The following DLGAP1 variants were observed in gnomAD, a reference collection of about 807,000 sequenced individuals.
The protein encoded by DLGAP1 is DLG associated protein 1, also known as disks large-associated protein 1.
A neutral mutation model predicts 90.8 loss-of-function variants in DLGAP1; 11 were observed. That is an observed-to-expected ratio of 0.12 (90% CI 0.08 to 0.20). DLGAP1 has a LOEUF of 0.20. Among genes scored for constraint, DLGAP1 ranks in the 10% least tolerant of loss-of-function variants. The pLI is 1.00. For synonymous variants in DLGAP1, 558 were observed against 540.7 expected (o/e 1.03, Z -0.44); for missense variants, 1,050 against 1,333.8 (o/e 0.79, Z 3.31).
intron 7 of DLGAP1, among the ~76,000 whole-genome samples, chr18:3,671,743 A>G (rs920942244): frequency 2.0e-5 from 3 of 152,280 alleles, no homozygotes; most frequent in African/African-American, 4.8e-5. Context: ...CTAAGCAAAT[A>G]TAGTCTTGAT....
At chr18:4,034,761 G>A (rs1832767514) in intron 2 of DLGAP1, among the ~76,000 whole-genome samples, 1 of 152,234 alleles carries the variant, frequency 6.6e-6, no homozygotes, top group Non-Finnish European at 1.5e-5. Context: ...TGTAGCCTTT[G>A]TGCCTAGCAC....
intron 1 of DLGAP1, among the ~76,000 whole-genome samples, chr18:4,188,516 CTA>C (rs1219209617): frequency 3.3e-5 from 5 of 152,192 alleles, no homozygotes; most frequent in Admixed American, 1.3e-4. Flanking sequence ...CTCTCTGTGT[CTA>C]TGTGTTCTCA....
intron 7 of DLGAP1, among the ~76,000 whole-genome samples, chr18:3,620,533 C>T (rs1482292572): frequency 6.9e-6 from 1 of 143,940 alleles, no homozygotes; most frequent in African/African-American, 2.6e-5. Context: ...TCGAGAACAA[C>T]TGCTATCACA....
At chr18:3,567,034 ATCT>A (rs2054466977) in intron 9 of DLGAP1, among the ~76,000 whole-genome samples, 1 of 150,212 alleles carries the variant, frequency 6.7e-6, no homozygotes, top group African/African-American at 2.5e-5. Context: ...GACAGGGAAT[ATCT>A]TCTTTTTCAT....
chr18:3,596,852 A>G, intron 7 of DLGAP1: 1 of 520,100 alleles, frequency 1.9e-6, no homozygotes, highest in South Asian at 1.4e-5. Context: ...ATGTCCTGTC[A>G]CCAGAGCCCC....
intron 4 of DLGAP1, among the ~76,000 whole-genome samples, chr18:3,849,425 G>A (rs1191215821): frequency 1.3e-5 from 2 of 152,084 alleles, no homozygotes; most frequent in African/African-American, 2.4e-5. Context: ...TGCATGGAGG[G>A]AGGCAGGAAA....
At chr18:3,860,047 C>T (rs567129141) in intron 4 of DLGAP1, among the ~76,000 whole-genome samples, 3 of 148,720 alleles carry the variant, frequency 2.0e-5, no homozygotes, top group East Asian at 1.9e-4. Flanking sequence ...TGCAGTGAGC[C>T]GAGATTGCGC....
chr18:3,550,930 C>T (rs2053367924), intron 9 of DLGAP1, among the ~76,000 whole-genome samples: 1 of 151,528 alleles, frequency 6.6e-6, no homozygotes, highest in Non-Finnish European at 1.5e-5. Flanking sequence ...TTAGTAGAGA[C>T]AGGGTTTCAC....
rs1001741950 is a variant in DLGAP1 at position 3,660,747 on chromosome 18, A to G, written c.1591+68388T>C. On this transcript the variant is annotated intron_variant, in intron 7 of 12. Transcript: ENST00000315677. The surrounding 1 kb of genome is among the most constrained non-coding windows in gnomAD (Gnocchi z 4.2). ...AATATTTAGGTGTTTTAGGGTTCCAATATTGGCAAGGTATCTGACAAGTAA... is the reference window on the plus strand; with the variant it reads ...AATATTTAGGTGTTTTAGGGTTCCAGTATTGGCAAGGTATCTGACAAGTAA... 3.9e-5 allele frequency among the ~76,000 whole-genome samples: 6 copies of G among 152,252 alleles called. No individual in the cohort carries two copies. Among genetic ancestry groups the G allele is most frequent in the Admixed American group, 1.3e-4 (2 of 15,288 alleles).
intron 7 of DLGAP1, chr18:3,722,163 C>T (rs1469882089): frequency 1.3e-5 from 2 of 152,188 alleles, no homozygotes; most frequent in Non-Finnish European, 2.9e-5. Context: ...CATGCAATAA[C>T]CCCGAATGTG....
chr18:4,206,273 C>G (rs2077718079), intron 1 of DLGAP1, among the ~76,000 whole-genome samples: 1 of 152,106 alleles, frequency 6.6e-6, no homozygotes, highest in Admixed American at 6.6e-5. Context: ...CCCAAACAAG[C>G]ATTGTGAGTT....
intron 5 of DLGAP1, among the ~76,000 whole-genome samples, chr18:3,742,949 TCTTCCTTCCTTCCTTCCTTC>T (rs143048862): frequency 1.6e-4 from 23 of 142,760 alleles, no homozygotes; most frequent in South Asian, 4.6e-4. Flanking sequence ...TATCAATTTA[TCTTCCTTCCTTCCTTCCTTC>T]CTTCCTTCCT....
intron 3 of DLGAP1, among the ~76,000 whole-genome samples, chr18:3,904,631 C>T (rs2071856177): frequency 6.6e-6 from 1 of 152,074 alleles, no homozygotes; most frequent in African/African-American, 2.4e-5. Flanking sequence ...AGAAAATGCT[C>T]CTGATTTCCT....
chr18:3,763,922 A>G (rs2064094014), intron 5 of DLGAP1, among the ~76,000 whole-genome samples: 1 of 152,174 alleles, frequency 6.6e-6, no homozygotes, highest in African/African-American at 2.4e-5. Flanking sequence ...TCGGCCTCCC[A>G]AAGTGCTGGG....
At chr18:4,294,049 C>T (rs1399115360) in intron 1 of DLGAP1, 1 of 152,064 alleles carries the variant, frequency 6.6e-6, no homozygotes, top group African/African-American at 2.4e-5. Flanking sequence ...CTTGTATCCC[C>T]TCCTTTTTTT....
At chr18:4,239,481 G>A (rs764932235) in intron 1 of DLGAP1, among the ~76,000 whole-genome samples, 8 of 152,176 alleles carry the variant, frequency 5.3e-5, no homozygotes, top group East Asian at 3.9e-4. Context: ...CAGTTTTTTA[G>A]TTATGTACTC....
intron 9 of DLGAP1, among the ~76,000 whole-genome samples, chr18:3,550,001 C>T (rs1194479296): frequency 6.6e-6 from 1 of 152,174 alleles, no homozygotes. Context: ...ACAACCTCCA[C>T]CTTTCGGGTT....
At chr18:4,351,237 C>T (rs28736391) in intron 1 of DLGAP1, among the ~76,000 whole-genome samples, 3,409 of 152,268 alleles carry the variant, frequency 0.022, 51 homozygotes, top group Non-Finnish European at 0.034. Context: ...AACACTGCCA[C>T]AGGCTTCTAG....
chr18:4,109,625 C>A (rs1166197804), intron 2 of DLGAP1, among the ~76,000 whole-genome samples: 1 of 152,066 alleles, frequency 6.6e-6, no homozygotes, highest in Non-Finnish European at 1.5e-5. Context: ...CCAGTGGGGG[C>A]TTTCCTGAGC....
Sources: allele counts gnomAD v4.1 joint callset (sites outside exome capture counted in the v4.1 genomes callset), GRCh38; gene constraint gnomAD v4.1.1; non-coding constraint Gnocchi (gnomAD v3.1); transcripts MANE v1.5; gene names NCBI Gene and HGNC (gene_info 2026-07-23, HGNC 2026-07-21).